LRRC49: variants seen among roughly 807,000 people sequenced by gnomAD.
LRRC49 encodes the protein leucine rich repeat containing 49.
A neutral mutation model predicts 83.3 loss-of-function variants in LRRC49; 50 were observed. The observed-to-expected ratio is 0.60, with a 90% CI of 0.48 to 0.76. The LOEUF is 0.76. Ranked by LOEUF, LRRC49 falls within the 30% of genes least tolerant of loss-of-function variation. The probability of loss-of-function intolerance (pLI) is 0.00; values close to 1 mark genes in which losing one functional copy is unlikely to be tolerated. For missense variants in LRRC49, 704 were observed against 809.1 expected (o/e 0.87, Z 1.58); for synonymous variants, 286 against 283.3 (o/e 1.01, Z -0.10).
rs139322186 is a variant in LRRC49, at chr15:70,919,762, T to C, written c.711+569T>C. ...TTAGCTTTTTCTAAAATGAGGACAT[T>C]GGACCAGTTTGACTCTAGGGTGTTT... On this transcript the variant is annotated intron_variant, in intron 7 of 15. Coordinates refer to ENST00000260382, the MANE Select transcript of LRRC49 (RefSeq NM_017691.5). Among the ~76,000 whole-genome samples, 166 of 152,296 alleles carry C rather than the reference T, an allele frequency of 1.1e-3. 3 individuals are homozygous for C. In the East Asian group the frequency reaches 0.03, roughly 27 times the overall value.
At chr15:70,997,001 G>A (rs995787208) in intron 11 of LRRC49, among the ~76,000 whole-genome samples, 11 of 152,136 alleles carry the variant, frequency 7.2e-5, no homozygotes, top group South Asian at 4.1e-4. Flanking sequence ...TTTTCCATGC[G>A]TACTTGAGAA....
At chr15:70,984,544 C>G (rs1375834438) in intron 11 of LRRC49, 1 of 201,370 alleles carries the variant, frequency 5.0e-6, no homozygotes. Flanking sequence ...CTCATGCCAT[C>G]AACCATGTTC....
chr15:71,047,986 G>T, intron 15 of LRRC49, among the ~76,000 whole-genome samples: 1 of 151,924 alleles, frequency 6.6e-6, no homozygotes, highest in East Asian at 1.9e-4. Flanking sequence ...ATGCTGGCCA[G>T]GCTAGTCTCG....
intron 11 of LRRC49, 93 bp downstream of exon 11, chr15:70,984,350 A>C: frequency 6.1e-6 from 7 of 1,144,048 alleles, no homozygotes; most frequent in Non-Finnish European, 8.4e-6. Context: ...TTATTTTAAA[A>C]GGGTTTTCTT....
At chr15:70,893,853 G>T (rs1466869170) in intron 2 of LRRC49, among the ~76,000 whole-genome samples, 1 of 151,176 alleles carries the variant, frequency 6.6e-6, no homozygotes, top group Non-Finnish European at 1.5e-5. Context: ...ATTACAAAAG[G>T]GTAAGGGTTT....
intron 11 of LRRC49, among the ~76,000 whole-genome samples, chr15:71,004,478 C>T (rs1303623465): frequency 2.6e-5 from 4 of 151,890 alleles, no homozygotes; most frequent in South Asian, 2.1e-4. Flanking sequence ...GGTGAAACCC[C>T]GTCTCTACTA....
At chr15:71,025,022 A>G (rs1313605247) in intron 14 of LRRC49, among the ~76,000 whole-genome samples, 2 of 152,218 alleles carry the variant, frequency 1.3e-5, no homozygotes, top group Non-Finnish European at 2.9e-5. Context: ...GGAATGAACA[A>G]AATCTCTGAG....
chr15:70,869,287 A>G (rs1228995285), intron 1 of LRRC49, among the ~76,000 whole-genome samples: 4 of 152,180 alleles, frequency 2.6e-5, no homozygotes, highest in African/African-American at 4.8e-5. Flanking sequence ...GGATAGTATT[A>G]TATTTGTTCT....
intron 1 of LRRC49, among the ~76,000 whole-genome samples, chr15:70,868,198 A>G (rs956593609): frequency 7.9e-5 from 12 of 152,198 alleles, no homozygotes; most frequent in Non-Finnish European, 1.0e-4. Flanking sequence ...TTGTGTAACC[A>G]TGAAACATCT....
intron 3 of LRRC49, chr15:70,898,391 T>C (rs772671052): frequency 2.9e-6 from 2 of 701,354 alleles, no homozygotes; most frequent in Non-Finnish European, 5.2e-6. Context: ...ATAAAGAATG[T>C]AAAATGAGGT....
chr15:70,859,117 C>T (rs2032723551), intron 1 of LRRC49: 1 of 1,381,984 alleles, frequency 7.2e-7, no homozygotes, highest in African/African-American at 1.4e-5. Context: ...CTCGGAACAA[C>T]AAGAACAACA....
chr15:71,046,353 C>T lies in LRRC49; in HGVS notation c.1858-3056C>T, dbSNP rs536661308. On this transcript the variant is annotated intron_variant, in intron 15 of 15. Coordinates refer to ENST00000260382, the MANE Select transcript of LRRC49 (RefSeq NM_017691.5). ...GAGAGTTCCTTTTTCTCCACAGCCT[C>T]GCCAGCATCTGTTGTTTTTTCACTT... 5.3e-5 allele frequency among the ~76,000 whole-genome samples: 8 copies of T among 152,294 alleles called. No homozygotes were observed. The South Asian group carries it at 8.3e-4, about 16-fold the overall frequency.
intron 9 of LRRC49, among the ~76,000 whole-genome samples, chr15:70,972,750 A>G (rs751125087): frequency 1.3e-5 from 2 of 151,702 alleles, no homozygotes; most frequent in African/African-American, 4.8e-5. Flanking sequence ...TCAGTCTCTG[A>G]TATCCTTTCC....
chr15:70,892,506 G>T, upstream of LRRC49: 1 of 1,525,122 alleles, frequency 6.6e-7, no homozygotes. Flanking sequence ...GGAGCCAGTG[G>T]ACACAAGCAG....
At chr15:70,934,768 G>T (rs143796399) in intron 7 of LRRC49, among the ~76,000 whole-genome samples, 88 of 152,270 alleles carry the variant, frequency 5.8e-4, no homozygotes, top group African/African-American at 2.0e-3. Flanking sequence ...TGATTCAAAG[G>T]ATTTAAAATG....
chr15:70,995,175 T>TC (rs547223322), intron 11 of LRRC49, among the ~76,000 whole-genome samples: 1 of 152,104 alleles, frequency 6.6e-6, no homozygotes, highest in Non-Finnish European at 1.5e-5. Flanking sequence ...AAATGATGGG[T>TC]CAGATAGTCT....
exon 2 of LRRC49, chr15:70,873,201 T>C (rs2033087333): frequency 6.5e-7 from 1 of 1,535,954 alleles, no homozygotes; most frequent in Admixed American, 2.0e-5. Flanking sequence ...ACATAACTTT[T>C]AAAGATGGAT....
intron 7 of LRRC49, among the ~76,000 whole-genome samples, chr15:70,931,617 TTTAA>T (rs2035410944): frequency 6.6e-6 from 1 of 152,206 alleles, no homozygotes; most frequent in South Asian, 2.1e-4. Flanking sequence ...TTTTCTTGTT[TTTAA>T]TTTTTTTCAT....
At chr15:71,015,487 T>C (rs1263754914) in intron 14 of LRRC49, among the ~76,000 whole-genome samples, 2 of 152,184 alleles carry the variant, frequency 1.3e-5, no homozygotes, top group Non-Finnish European at 2.9e-5. Context: ...ACTGCTGATC[T>C]GACAGGAGGC....
Sources: allele counts gnomAD v4.1 joint callset (sites outside exome capture counted in the v4.1 genomes callset), GRCh38; gene constraint gnomAD v4.1.1; transcripts MANE v1.5; gene names NCBI Gene and HGNC (gene_info 2026-07-23, HGNC 2026-07-21).